The following GRIK1 variants were observed in gnomAD, a reference collection of about 807,000 sequenced individuals.
The protein encoded by GRIK1 is glutamate receptor ionotropic, kainate 1.
In GRIK1, 69 loss-of-function variants were observed where a neutral mutation model predicts 105.7. The observed-to-expected ratio is 0.65, with a 90% confidence interval of 0.54 to 0.80. The LOEUF is 0.80. Among genes scored for constraint, GRIK1 ranks in the 30% least tolerant of loss-of-function variants. The probability of loss-of-function intolerance (pLI) is 0.00; values close to 1 mark genes in which losing one functional copy is unlikely to be tolerated. For synonymous variants in GRIK1, 438 were observed against 431.3 expected (o/e 1.02, Z -0.19); for missense variants, 1,109 against 1,167.3 (o/e 0.95, Z 0.73).
chr21:29,886,968 T>C (rs890428204), intron 1 of GRIK1, among the ~76,000 whole-genome samples: 2 of 152,178 alleles, frequency 1.3e-5, no homozygotes, highest in Non-Finnish European at 2.9e-5. Context: ...TTATTAGATT[T>C]ATTTGGGGGG....
At chr21:29,629,771 G>C (rs943889993) in intron 7 of GRIK1, among the ~76,000 whole-genome samples, 1 of 152,166 alleles carries the variant, frequency 6.6e-6, no homozygotes, top group African/African-American at 2.4e-5. Context: ...TTACAGGCGT[G>C]AGCCACCGCG....
chr21:29,640,098 CTTCTT>C (rs1360871156), intron 7 of GRIK1, among the ~76,000 whole-genome samples: 1 of 150,296 alleles, frequency 6.7e-6, no homozygotes, highest in Non-Finnish European at 1.5e-5. Flanking sequence ...TGCTGACTTG[CTTCTT>C]TTCATTTTTT....
rs2061939832 is a variant in GRIK1, at chr21:29,619,580, A to C, written c.1099-20643T>G. 2.1e-5 allele frequency among the ~76,000 whole-genome samples: 3 copies of C among 145,770 alleles called. No homozygotes were observed. The South Asian group carries it at 6.6e-4, about 32-fold the overall frequency. Reference sequence around the variant, plus strand: ...ACCAAAATCTCACAAATCACCACTAAATAACTTACTTATGTAACCAAATAC... The same window carrying C: ...ACCAAAATCTCACAAATCACCACTACATAACTTACTTATGTAACCAAATAC... On this transcript the variant is annotated intron_variant, in intron 7 of 17. Transcript: ENST00000327783.
chr21:29,559,159 A>T (rs1448069239), intron 15 of GRIK1, among the ~76,000 whole-genome samples: 1 of 152,182 alleles, frequency 6.6e-6, no homozygotes, highest in Non-Finnish European at 1.5e-5. Flanking sequence ...TTACTCCTCT[A>T]CGAGGGTCTT....
At chr21:29,717,511 A>G (rs57696462) in intron 1 of GRIK1, among the ~76,000 whole-genome samples, 3,968 of 152,362 alleles carry the variant, frequency 0.026, 136 homozygotes, top group East Asian at 0.1. Flanking sequence ...ACAAGGAGTC[A>G]AAGGGGATCA....
chr21:29,711,258 T>C (rs531766655), intron 1 of GRIK1, among the ~76,000 whole-genome samples: 2 of 152,318 alleles, frequency 1.3e-5, no homozygotes, highest in South Asian at 4.1e-4. Flanking sequence ...ATATTTTTAT[T>C]GTACCTTTTC....
At chr21:29,739,862 T>C (rs2064882983) in intron 1 of GRIK1, among the ~76,000 whole-genome samples, 1 of 152,244 alleles carries the variant, frequency 6.6e-6, no homozygotes, top group Non-Finnish European at 1.5e-5. Context: ...TCTTTTTATA[T>C]TATCACCTTT....
intron 1 of GRIK1, among the ~76,000 whole-genome samples, chr21:29,937,795 A>AT (rs1014737029): frequency 1.1e-4 from 7 of 63,190 alleles, no homozygotes; most frequent in Non-Finnish European, 2.5e-4. Flanking sequence ...ATTGTTCAGA[A>AT]TATTTTTTTT....
At chr21:29,882,928 C>T (rs2069476522) in intron 1 of GRIK1, among the ~76,000 whole-genome samples, 3 of 152,026 alleles carry the variant, frequency 2.0e-5, no homozygotes, top group Admixed American at 1.3e-4. Context: ...ACTTGCTTTA[C>T]TTTCTTGATG....
chr21:29,762,977 C>A (rs1484836530), intron 1 of GRIK1, among the ~76,000 whole-genome samples: 8 of 152,228 alleles, frequency 5.3e-5, no homozygotes, highest in Non-Finnish European at 1.2e-4. Context: ...CTCCAGGTTT[C>A]TAGCTTGAAA....
chr21:29,655,839 G>T (rs904970294), intron 4 of GRIK1, among the ~76,000 whole-genome samples: 4 of 151,856 alleles, frequency 2.6e-5, no homozygotes, highest in Non-Finnish European at 5.9e-5. Context: ...TTTTTACTTC[G>T]TGGAAGAAGG....
intron 1 of GRIK1, among the ~76,000 whole-genome samples, chr21:29,719,050 G>A (rs1293818102): frequency 6.8e-6 from 1 of 146,346 alleles, no homozygotes; most frequent in African/African-American, 2.5e-5. Context: ...TGAGCCAGTA[G>A]TTACAGTAGA....
chr21:29,773,423 G>T (rs952294566), intron 1 of GRIK1, among the ~76,000 whole-genome samples: 1 of 152,024 alleles, frequency 6.6e-6, no homozygotes, highest in Non-Finnish European at 1.5e-5. Context: ...TCCACCTTTG[G>T]TATTTCCAAG....
chr21:29,831,782 C>T (rs1170109034), intron 1 of GRIK1, among the ~76,000 whole-genome samples: 1 of 152,220 alleles, frequency 6.6e-6, no homozygotes, highest in African/African-American at 2.4e-5. Flanking sequence ...ATTCTGCCCC[C>T]AGCCCCTCCA....
chr21:29,636,966 T>A, intron 7 of GRIK1, among the ~76,000 whole-genome samples: 1 of 152,206 alleles, frequency 6.6e-6, no homozygotes, highest in South Asian at 2.1e-4. Context: ...ACAGGATTCC[T>A]TATGCTTCAT....
intron 1 of GRIK1, among the ~76,000 whole-genome samples, chr21:29,878,854 G>A (rs2069288718): frequency 6.6e-6 from 1 of 151,962 alleles, no homozygotes; most frequent in Non-Finnish European, 1.5e-5. Flanking sequence ...CATTTCTATT[G>A]TTTATAAGTC....
At chr21:29,648,444 A>C (rs1402654152) in intron 6 of GRIK1, among the ~76,000 whole-genome samples, 2 of 152,210 alleles carry the variant, frequency 1.3e-5, no homozygotes, top group Non-Finnish European at 2.9e-5. Context: ...CTTTTATGGG[A>C]CTATTTCAAG....
chr21:29,566,690 G>A (rs370291881), intron 14 of GRIK1, among the ~76,000 whole-genome samples: 19 of 152,236 alleles, frequency 1.2e-4, no homozygotes, highest in African/African-American at 4.6e-4. Context: ...TTTATTTACT[G>A]TGTAGCAAGC....
chr21:29,800,684 C>T (rs1261102839), intron 1 of GRIK1, among the ~76,000 whole-genome samples: 2 of 152,188 alleles, frequency 1.3e-5, no homozygotes, highest in Non-Finnish European at 2.9e-5. Context: ...TGATGAATAC[C>T]TTCTGTGCAC....
Sources: allele counts gnomAD v4.1 joint callset (sites outside exome capture counted in the v4.1 genomes callset), GRCh38; gene constraint gnomAD v4.1.1; transcripts MANE v1.5; gene names NCBI Gene and HGNC (gene_info 2026-07-23, HGNC 2026-07-21).